Variants in CHD6 observed in about 807,000 individuals in gnomAD.
CHD6 encodes chromodomain helicase DNA binding protein 6.
CHD6 carries 50 observed loss-of-function variants against 276.9 expected under a neutral mutation model. That is an observed-to-expected ratio of 0.18 (90% CI 0.14 to 0.23). The LOEUF is 0.23. CHD6 is among the 10% of genes least tolerant of loss of function. The pLI is 1.00. For missense variants in CHD6, 2,564 were observed against 3,365.8 expected, an observed-to-expected ratio of 0.76 and a Z score of 5.89; for synonymous variants, 1,173 against 1,229.3, an observed-to-expected ratio of 0.95 and a Z score of 0.96.
At chr20:41,413,269 C>G in intron 35 of CHD6, 55 bp downstream of exon 35, 16 of 1,396,748 alleles carry the variant, frequency 1.1e-5, no homozygotes, top group South Asian at 5.1e-5. Context: ...TCAAAAATAG[C>G]AACAAGTCAG....
chr20:41,475,253 A>G (rs143246364), intron 16 of CHD6, among the ~76,000 whole-genome samples: 36 of 152,330 alleles, frequency 2.4e-4, no homozygotes, highest in Middle Eastern at 3.4e-3. Context: ...TTCTATTATC[A>G]TCCTCATTTT....
intron 1 of CHD6, among the ~76,000 whole-genome samples, chr20:41,582,554 T>C (rs1287609697): frequency 2.6e-5 from 4 of 152,188 alleles, no homozygotes; most frequent in Non-Finnish European, 1.5e-5. Context: ...TCAGTCTCTA[T>C]TGTTCTACAG....
intron 1 of CHD6, among the ~76,000 whole-genome samples, chr20:41,569,092 G>A (rs568812630): frequency 1.3e-5 from 2 of 152,280 alleles, no homozygotes; most frequent in African/African-American, 4.8e-5. Flanking sequence ...ATGGCATGAG[G>A]TGACCAAGAG....
At chr20:41,451,677 G>A (rs903171038) in intron 22 of CHD6, 149 bp downstream of exon 22, 6 of 701,394 alleles carry the variant, frequency 8.6e-6, no homozygotes, top group Non-Finnish European at 7.4e-6. Context: ...AGGCAGAAAC[G>A]AAAGCAACAT....
At chr20:41,432,181 A>G (rs1432670531) in intron 27 of CHD6, among the ~76,000 whole-genome samples, 1 of 150,098 alleles carries the variant, frequency 6.7e-6, no homozygotes, top group Non-Finnish European at 1.5e-5. Context: ...AAAAAAAAAG[A>G]AGCGAGGTGG....
At position 41,537,770 on chromosome 20, in the gene CHD6, T is replaced by C. The variant is rs1384695857; in HGVS notation, c.34-4200A>G. Among the ~76,000 whole-genome samples, 3 of 152,184 alleles carry C rather than the reference T, an allele frequency of 2.0e-5. No homozygotes were observed. In the East Asian group the frequency reaches 5.8e-4, roughly 29 times the overall value. ...GGATACAGAGGAATTGAAACTTTCA[T>C]ACATTGTTGGTGGGAATATAAAATG... On this transcript the variant is annotated intron_variant, in intron 2 of 36. Coordinates refer to ENST00000373233, the MANE Select transcript of CHD6 (RefSeq NM_032221.5).
chr20:41,532,140 A>G (rs2044701080), intron 3 of CHD6, among the ~76,000 whole-genome samples: 1 of 152,218 alleles, frequency 6.6e-6, no homozygotes, highest in Non-Finnish European at 1.5e-5. Flanking sequence ...AATTCCCTGC[A>G]CAAGGAATGC....
chr20:41,578,005 A>G lies in CHD6; in HGVS notation c.-23-26645T>C, dbSNP rs2045492819. On this transcript the variant is annotated intron_variant, in intron 1 of 36. Transcript: ENST00000373233. ...AAACACTACATGAGGTTAAATATTG[A>G]TATTTAAACAACAGCCATCCTAGGT... is the stretch of plus-strand genomic sequence containing the variant. 1.3e-5 allele frequency among the ~76,000 whole-genome samples: 2 copies of G among 152,248 alleles called. 1 individual carries two copies. Among genetic ancestry groups the G allele is most frequent in the South Asian group, 4.1e-4 (2 of 4,830 alleles).
intron 5 of CHD6, among the ~76,000 whole-genome samples, chr20:41,506,998 T>C (rs2043991895): frequency 6.6e-6 from 1 of 152,202 alleles, no homozygotes; most frequent in African/African-American, 2.4e-5. Flanking sequence ...GGAAATGATA[T>C]GACGTATGAG....
intron 10 of CHD6, among the ~76,000 whole-genome samples, chr20:41,493,271 A>G (rs1362880364): frequency 6.6e-6 from 1 of 152,186 alleles, no homozygotes; most frequent in African/African-American, 2.4e-5. Flanking sequence ...GACTCCATAC[A>G]ACAGCCGCAC....
chr20:41,457,989 C>T (rs2048428050), intron 17 of CHD6, among the ~76,000 whole-genome samples: 1 of 152,130 alleles, frequency 6.6e-6, no homozygotes, highest in African/African-American at 2.4e-5. Flanking sequence ...AAGATACAAA[C>T]TCTTGTAAAA....
At chr20:41,447,403 A>T (rs2145637487) in intron 24 of CHD6, among the ~76,000 whole-genome samples, 1 of 152,354 alleles carries the variant, frequency 6.6e-6, no homozygotes, top group South Asian at 2.1e-4. Context: ...ATACTCCCAC[A>T]GGATTCTATA....
Position 41,489,967 on chromosome 20 carries a change from G to A in CHD6, c.1491C>T (p.Ile497=). The part of the protein sequence containing the change: ...EMGLGKTIQS[I]TFLSEIFLRG... ...TCAGAAATATTTCTGAAAGGAATGT[G>A]ATGGACTGGATGGTTTTCCCTAGGC... The change falls in exon 12 of 37, where the codon ATC becomes ATT. Residue 497 remains isoleucine (I), a synonymous_variant. Coordinates refer to ENST00000373233, the MANE Select transcript of CHD6 (RefSeq NM_032221.5). The A allele has an allele frequency of 6.2e-7, 1 of 1,614,008 alleles. No individual in the cohort carries two copies. The highest frequency in any genetic ancestry group is 8.5e-7 in the Non-Finnish European group (1 of 1,179,904).
rs2046616156 is a variant in CHD6, at chr20:41,404,622, G to GT, written c.8118dup (p.Leu2707ThrfsTer20). On this transcript the variant is annotated frameshift_variant, in exon 37 of 37. Transcript: ENST00000373233. LOFTEE classifies it high-confidence loss of function. ...TTGGTGTCGTTGTTGGAGTCTTTGA[G>GT]TGCCCCCTCCCCAGCCTGTGCCCCA... 5 of 1,499,558 alleles carry GT rather than the reference G, an allele frequency of 3.3e-6. No homozygotes were observed. Among genetic ancestry groups the GT allele is most frequent in the Non-Finnish European group, 4.4e-6 (5 of 1,123,694 alleles). 92.9% of individuals were successfully genotyped at this position (1,499,558 alleles called of 1,614,324 possible).
Position 41,422,009 on chromosome 20 carries a change from A to G in CHD6, c.4626T>C (p.Ile1542=). 6 of 1,614,190 alleles carry G rather than the reference A, an allele frequency of 3.7e-6. No homozygotes were observed. The South Asian group carries it at 6.6e-5, about 18-fold the overall frequency. Residue 1542 remains isoleucine, a synonymous_variant, in exon 31 of 37, where the codon ATT becomes ATC. Coordinates refer to ENST00000373233, the MANE Select transcript of CHD6 (RefSeq NM_032221.5). ...EERAARTLYR[I]ELLRKVREQV... Reference sequence around the variant, plus strand: ...GCTCTCGGACTTTCCGTAACAGTTCAATGCGGTACAGAGTTCTTGCAGCAC... The same window carrying G: ...GCTCTCGGACTTTCCGTAACAGTTCGATGCGGTACAGAGTTCTTGCAGCAC...
chr20:41,617,779 C>T (rs1468029753), intron 1 of CHD6, among the ~76,000 whole-genome samples: 1 of 151,978 alleles, frequency 6.6e-6, no homozygotes, highest in African/African-American at 2.4e-5. Context: ...CAGGGGCCCC[C>T]GCCCCCTCCC....
chr20:41,508,719 A>C (rs1225856897), intron 5 of CHD6, among the ~76,000 whole-genome samples: 1 of 152,162 alleles, frequency 6.6e-6, no homozygotes, highest in Admixed American at 6.5e-5. Flanking sequence ...CGAGTCTCAC[A>C]TGCTGGCACG....
At chr20:41,458,331 A>G (rs2048439703) in intron 17 of CHD6, among the ~76,000 whole-genome samples, 1 of 152,162 alleles carries the variant, frequency 6.6e-6, no homozygotes, top group Non-Finnish European at 1.5e-5. Context: ...AATTTTTTTT[A>G]TTACTTCTTT....
chr20:41,531,721 A>C (rs1381108462), intron 3 of CHD6, among the ~76,000 whole-genome samples: 1 of 152,206 alleles, frequency 6.6e-6, no homozygotes. Flanking sequence ...TATGAGGCAA[A>C]ATTTTAATTT....
Sources: allele counts gnomAD v4.1 joint callset (sites outside exome capture counted in the v4.1 genomes callset), GRCh38; gene constraint gnomAD v4.1.1; transcripts MANE v1.5; gene names NCBI Gene and HGNC (gene_info 2026-07-23, HGNC 2026-07-21).